Variants in CADPS observed in about 807,000 individuals in gnomAD.
CADPS encodes calcium-dependent secretion activator 1.
A neutral mutation model predicts 167.3 loss-of-function variants in CADPS; 57 were observed. The ratio of observed to expected loss-of-function variants is 0.34; its 90% CI spans 0.28 to 0.42. The LOEUF is 0.42. CADPS is among the 20% of genes least tolerant of loss of function. The pLI, the probability that CADPS is intolerant of heterozygous loss-of-function variation, is 1.00. For synonymous variants in CADPS, 676 were observed against 635.3 expected, an observed-to-expected ratio of 1.06 and a Z score of -0.96; for missense variants, 1,414 against 1,738.1, an observed-to-expected ratio of 0.81 and a Z score of 3.32.
chr3:62,750,362 A>AC, intron 3 of CADPS, among the ~76,000 whole-genome samples: 1 of 146,792 alleles, frequency 6.8e-6, no homozygotes, highest in Non-Finnish European at 1.5e-5. Flanking sequence ...CCAAAAAAAA[A>AC]AAAAAAAAAA....
At chr3:62,632,128 T>A (rs763914797) in intron 6 of CADPS, among the ~76,000 whole-genome samples, 1 of 152,168 alleles carries the variant, frequency 6.6e-6, no homozygotes, top group Non-Finnish European at 1.5e-5. Context: ...CAATCATATA[T>A]GAGTATACAG....
intron 21 of CADPS, among the ~76,000 whole-genome samples, chr3:62,485,426 G>GT (rs34797671): frequency 0.023 from 3,500 of 152,104 alleles, 61 homozygotes; most frequent in Non-Finnish European, 0.035. Context: ...CTCAAGCTAC[G>GT]TTTTTCATGA....
chr3:62,516,497 G>C lies in CADPS; in HGVS notation c.2457+83C>G, dbSNP rs1018977020. 3 of 1,069,026 alleles carry C rather than the reference G, an allele frequency of 2.8e-6. No homozygotes were observed. The African/African-American group carries it at 4.8e-5, about 17-fold the overall frequency. 66.2% of individuals were successfully genotyped at this position (1,069,026 alleles called of 1,614,324 possible). A position where few individuals can be genotyped will look rare whatever the true frequency, so the allele number is the denominator to read the frequency against. On this transcript the variant is annotated intron_variant, in intron 15 of 29. Coordinates refer to ENST00000383710, the MANE Select transcript of CADPS (RefSeq NM_003716.4). The stretch of plus-strand genomic sequence containing the variant: ...ACAAATCCTATAAAAATTACAACTA[G>C]GTCATTCAACCAAAACATTTCATTA...
intron 17 of CADPS, among the ~76,000 whole-genome samples, chr3:62,504,768 C>CAG (rs1295899334): frequency 6.6e-6 from 1 of 152,028 alleles, no homozygotes; most frequent in Admixed American, 6.5e-5. Flanking sequence ...GCTTGGCTTC[C>CAG]AGAGAGAGAG....
intron 7 of CADPS, among the ~76,000 whole-genome samples, chr3:62,590,151 T>G (rs902108813): frequency 6.7e-6 from 1 of 149,760 alleles, no homozygotes; most frequent in Non-Finnish European, 1.5e-5. Flanking sequence ...ATCACGCCAC[T>G]GTACTCCAGC....
chr3:62,689,834 T>C (rs2078767646), intron 3 of CADPS, among the ~76,000 whole-genome samples: 1 of 151,848 alleles, frequency 6.6e-6, no homozygotes, highest in South Asian at 2.1e-4. Context: ...GATGGGAGGA[T>C]GGGTAAGATT....
intron 1 of CADPS, among the ~76,000 whole-genome samples, chr3:62,815,097 G>C (rs2094553633): frequency 6.6e-6 from 1 of 152,056 alleles, no homozygotes; most frequent in East Asian, 1.9e-4. Flanking sequence ...AGAGACTGCT[G>C]TTCTTAAAAT....
At chr3:62,564,531 T>G (rs2079774552) in intron 9 of CADPS, among the ~76,000 whole-genome samples, 1 of 152,004 alleles carries the variant, frequency 6.6e-6, no homozygotes. Flanking sequence ...TTACAGTTTG[T>G]ACAGTGCTAA....
At chr3:62,595,588 G>A (rs1395202680) in intron 6 of CADPS, among the ~76,000 whole-genome samples, 1 of 152,156 alleles carries the variant, frequency 6.6e-6, no homozygotes, top group Non-Finnish European at 1.5e-5. Context: ...CCCTTCCCAA[G>A]GTAAGGAGAT....
In CADPS at chr3:62,874,987, C is replaced by A. The variant is rs1199810382; in HGVS notation, c.43G>T (p.Val15Leu). The change falls in exon 1 of 30, where the codon GTG becomes TTG. Residue 15 changes from valine to leucine, a missense_variant. Val to Leu is a conservative substitution (Grantham distance 32). Around this residue, in one of 6 missense-constraint regions of CADPS, gnomAD observed 522 missense variants for 559.5 expected, o/e 0.93. Transcript: ENST00000383710. The surrounding 1 kb of genome is among the most constrained non-coding windows in gnomAD (Gnocchi z 7.1). ...ACCTCCTTGCCGCTCTCCTCCTCCACGATCTCATCCGATTCTTCTTCGCTG... is the reference window on the plus strand; with the variant it reads ...ACCTCCTTGCCGCTCTCCTCCTCCAAGATCTCATCCGATTCTTCTTCGCTG... ...SSSEEESDEI[V>L]EEESGKEVLG... The A allele has an allele frequency of 6.3e-7, 1 of 1,596,250 alleles. No individual in the cohort carries two copies. The highest frequency in any genetic ancestry group is 8.5e-7 in the Non-Finnish European group (1 of 1,171,844).
intron 17 of CADPS, among the ~76,000 whole-genome samples, chr3:62,509,800 T>G (rs1340090708): frequency 6.6e-6 from 1 of 152,170 alleles, no homozygotes; most frequent in African/African-American, 2.4e-5. Flanking sequence ...ATACTTGACC[T>G]TATCCACTGA....
chr3:62,778,624 G>C (rs1399852170), intron 1 of CADPS, among the ~76,000 whole-genome samples: 4 of 152,110 alleles, frequency 2.6e-5, no homozygotes, highest in African/African-American at 9.7e-5. Context: ...TACCCATGAA[G>C]CTTACAGAAA....
chr3:62,586,741 G>C (rs1159200374), intron 7 of CADPS, among the ~76,000 whole-genome samples: 1 of 152,122 alleles, frequency 6.6e-6, no homozygotes, highest in Non-Finnish European at 1.5e-5. Flanking sequence ...CCCTACTTTA[G>C]TACAATGTTG....
intron 18 of CADPS, among the ~76,000 whole-genome samples, chr3:62,494,669 A>ATTT (rs56153630): frequency 6.7e-5 from 8 of 118,616 alleles, no homozygotes; most frequent in Admixed American, 5.7e-4. Context: ...CTTACCAGCA[A>ATTT]TTTTTTTTTT....
chr3:62,474,159 T>A lies in CADPS; in HGVS notation c.3477+14A>T. ...GAGGGAAAAAAAAATCTGTATTTTT[T>A]TTTTTTTTTTTACCTCTTGGCCCAT... On this transcript the variant is annotated intron_variant, in intron 24 of 29. Transcript: ENST00000383710. 7.3e-7 allele frequency: 1 copy of A among 1,364,940 alleles called. No homozygotes were observed. Among genetic ancestry groups the A allele is most frequent in the Non-Finnish European group, 9.6e-7 (1 of 1,043,790 alleles). The allele number at this position is 1,364,940 out of a possible 1,614,324, so 84.6% of individuals were successfully genotyped here.
intron 3 of CADPS, 26 bp from the exon 4 acceptor site, chr3:62,662,420 C>T: frequency 6.2e-7 from 1 of 1,609,790 alleles, no homozygotes. Flanking sequence ...GACATTGAGA[C>T]TTTTAGTTTG....
At chr3:62,445,435 G>A (rs2057041607) in intron 27 of CADPS, among the ~76,000 whole-genome samples, 1 of 152,016 alleles carries the variant, frequency 6.6e-6, no homozygotes, top group Non-Finnish European at 1.5e-5. Context: ...TCCTCTGAAG[G>A]TGTGCACACA....
intron 3 of CADPS, among the ~76,000 whole-genome samples, chr3:62,668,705 G>A (rs1563607914): frequency 6.6e-6 from 1 of 152,088 alleles, no homozygotes; most frequent in Admixed American, 6.5e-5. Context: ...ATAAGGGCAG[G>A]GATGTGTGTT....
chr3:62,512,389 A>G (rs565147040), intron 17 of CADPS, among the ~76,000 whole-genome samples: 10 of 152,274 alleles, frequency 6.6e-5, no homozygotes, highest in African/African-American at 2.4e-4. Flanking sequence ...AATAGGGCAG[A>G]AAACAGAAAA....
Sources: allele counts gnomAD v4.1 joint callset (sites outside exome capture counted in the v4.1 genomes callset), GRCh38; gene constraint gnomAD v4.1.1; regional missense constraint gnomAD v4.1.1; non-coding constraint Gnocchi (gnomAD v3.1); transcripts MANE v1.5; gene names NCBI Gene and HGNC (gene_info 2026-07-23, HGNC 2026-07-21).